Variants in CSMD1 observed in about 807,000 individuals in gnomAD.
CSMD1 encodes CUB and sushi domain-containing protein 1.
Under a neutral mutation model 417.5 loss-of-function variants are expected in CSMD1, and 213 were observed. That is an observed-to-expected ratio of 0.51 (90% CI 0.46 to 0.57). The LOEUF (loss-of-function observed/expected upper bound fraction) is 0.57, where lower values mean the gene tolerates loss of function less well. Among genes scored for constraint, CSMD1 ranks in the 20% least tolerant of loss-of-function variants. The pLI is 0.00. For synonymous variants in CSMD1, 2,862 were observed against 1,736.8 expected, an observed-to-expected ratio of 1.65 and a Z score of -16.11; for missense variants, 6,923 against 4,529.7, an observed-to-expected ratio of 1.53 and a Z score of -15.17.
At chr8:2,945,507 C>T (rs760549583) in intron 68 of CSMD1, among the ~76,000 whole-genome samples, 10 of 152,116 alleles carry the variant, frequency 6.6e-5, no homozygotes, top group South Asian at 4.1e-4. Flanking sequence ...TAGCAGGAGT[C>T]GACATTACAT....
chr8:3,733,548 C>CT (rs1237473409), intron 6 of CSMD1, among the ~76,000 whole-genome samples: 2 of 151,996 alleles, frequency 1.3e-5, no homozygotes, highest in Admixed American at 6.6e-5. Context: ...AAAAACAACT[C>CT]TTAAGTTGTA....
intron 3 of CSMD1, among the ~76,000 whole-genome samples, chr8:4,095,189 A>G (rs1321530863): frequency 1.3e-5 from 2 of 152,204 alleles, no homozygotes; most frequent in African/African-American, 4.8e-5. Context: ...CACAGCGAAC[A>G]CAAACTGGTT....
At chr8:3,843,189 G>T (rs1803245683) in intron 5 of CSMD1, among the ~76,000 whole-genome samples, 1 of 151,978 alleles carries the variant, frequency 6.6e-6, no homozygotes, top group Non-Finnish European at 1.5e-5. Flanking sequence ...TAAATTGTTT[G>T]TTTCCTTGAA....
intron 2 of CSMD1, among the ~76,000 whole-genome samples, chr8:4,463,106 A>T: frequency 6.6e-6 from 1 of 152,210 alleles, no homozygotes; most frequent in East Asian, 1.9e-4. Flanking sequence ...TAAAAAGACA[A>T]ATTACCAAGT....
intron 37 of CSMD1, among the ~76,000 whole-genome samples, chr8:3,165,861 G>T (rs541296794): frequency 6.6e-6 from 1 of 152,232 alleles, no homozygotes; most frequent in African/African-American, 2.4e-5. Context: ...CCTTCTGAGA[G>T]AGAAATCAAC....
intron 1 of CSMD1, among the ~76,000 whole-genome samples, chr8:4,864,897 A>ACACAG: frequency 2.0e-5 from 1 of 50,486 alleles, no homozygotes; most frequent in East Asian, 8.2e-4. Context: ...CACACACACA[A>ACACAG]ACACACACAC....
intron 4 of CSMD1, among the ~76,000 whole-genome samples, chr8:4,001,390 C>T (rs190517461): frequency 1.1e-3 from 168 of 152,194 alleles, no homozygotes; most frequent in African/African-American, 3.9e-3. Context: ...CTGGAAGGTT[C>T]GATGACCTGC....
At chr8:2,961,294 C>A (rs754804294) in intron 61 of CSMD1, 80 bp from the exon 62 acceptor site, 3 of 756,458 alleles carry the variant, frequency 4.0e-6, no homozygotes, top group Non-Finnish European at 6.5e-6. Flanking sequence ...ACTAAAAGGT[C>A]TCATGAAATA....
intron 3 of CSMD1, among the ~76,000 whole-genome samples, chr8:4,099,796 G>C (rs945791440): frequency 3.3e-5 from 5 of 152,068 alleles, no homozygotes; most frequent in African/African-American, 7.2e-5. Flanking sequence ...ATAGTACTGG[G>C]AAGGCTACTT....
intron 25 of CSMD1, among the ~76,000 whole-genome samples, chr8:3,285,766 T>C (rs2117246283): frequency 6.6e-6 from 1 of 152,024 alleles, no homozygotes; most frequent in African/African-American, 2.4e-5. Context: ...CACCAAATCA[T>C]TGGTTCTTTC....
intron 5 of CSMD1, among the ~76,000 whole-genome samples, chr8:3,851,825 T>C (rs1164290695): frequency 6.6e-6 from 1 of 151,978 alleles, no homozygotes; most frequent in Non-Finnish European, 1.5e-5. Context: ...GATGAGAGAC[T>C]GAGGGCGCCA....
In CSMD1 at chr8:3,307,752, T is replaced by G; in HGVS notation, c.3893A>C (p.Tyr1298Ser). Residue 1298 changes from tyrosine to serine, a missense_variant, in exon 25 of 70, where the codon TAT becomes TCT. Coordinates refer to ENST00000635120, the MANE Select transcript of CSMD1 (RefSeq NM_033225.6). ...CCAGGTGCAGTGGAGGTTGTTGTCA[T>G]ACGGAGCTGGATAGCCAGGGGACAA... ...RILSPGYPAP[Y>S]DNNLHCTWII... is the part of the protein sequence containing the mutation. The G allele has an allele frequency of 6.2e-7, 1 of 1,613,796 alleles. No individual in the cohort carries two copies. The highest frequency in any genetic ancestry group is 8.5e-7 in the Non-Finnish European group (1 of 1,179,730).
intron 5 of CSMD1, among the ~76,000 whole-genome samples, chr8:3,858,953 C>T (rs943379124): frequency 6.6e-6 from 1 of 152,266 alleles, no homozygotes; most frequent in South Asian, 2.1e-4. Context: ...GCAGTGGAAG[C>T]AGAATTAAAG....
At chr8:4,587,677 C>G (rs2724992) in intron 2 of CSMD1, among the ~76,000 whole-genome samples, 58,690 of 151,898 alleles carry the variant, frequency 0.39, 11,518 homozygotes, top group African/African-American at 0.44. Context: ...ATGAACTATG[C>G]CTTCACTAGG....
chr8:4,682,294 G>T (rs1355723781), intron 1 of CSMD1, among the ~76,000 whole-genome samples: 1 of 152,116 alleles, frequency 6.6e-6, no homozygotes, highest in Non-Finnish European at 1.5e-5. Flanking sequence ...GCCTCCCAAA[G>T]TTCTAGGAAT....
intron 2 of CSMD1, among the ~76,000 whole-genome samples, chr8:4,475,040 C>G (rs1381257809): frequency 6.6e-6 from 1 of 152,044 alleles, no homozygotes; most frequent in African/African-American, 2.4e-5. Flanking sequence ...CATAAGGGGT[C>G]AGTGTCCTAA....
rs147952831 is a variant in CSMD1 at position 4,957,578 on chromosome 8, A to G, written c.85+36754T>C. ...TATCAGTGTCTTTGTAGACAATTAA[A>G]AATAATCTTGTGAAAGATCCTCATA... On this transcript the variant is annotated intron_variant, in intron 1 of 69. Transcript: ENST00000635120. Among the ~76,000 whole-genome samples, 143 of 152,318 alleles carry G rather than the reference A, an allele frequency of 9.4e-4. 2 individuals carry two copies. In the East Asian group the frequency reaches 0.019, roughly 20 times the overall value.
At chr8:4,909,453 A>T (rs1805515089) in intron 1 of CSMD1, among the ~76,000 whole-genome samples, 1 of 152,194 alleles carries the variant, frequency 6.6e-6, no homozygotes, top group Admixed American at 6.5e-5. Flanking sequence ...TCTGTCTGAC[A>T]TGGAAGTAAC....
At chr8:3,379,268 A>AG (rs1554531446) in intron 18 of CSMD1, among the ~76,000 whole-genome samples, 1 of 152,246 alleles carries the variant, frequency 6.6e-6, no homozygotes, top group Non-Finnish European at 1.5e-5. Flanking sequence ...AAATAAAAAA[A>AG]CATTCCATGC....
Sources: gnomAD v4.1 joint callset for allele counts (sites outside exome capture counted in the v4.1 genomes callset) on GRCh38, gnomAD v4.1.1 for gene constraint, MANE v1.5 for transcripts, NCBI Gene and HGNC (gene_info 2026-07-23, HGNC 2026-07-21) for gene names.